Variants in PTPRD observed in about 807,000 individuals in gnomAD.
PTPRD encodes the protein protein tyrosine phosphatase receptor type D.
A neutral mutation model predicts 214.5 loss-of-function variants in PTPRD; 34 were observed. The observed-to-expected ratio is 0.16, with a 90% CI of 0.12 to 0.21. The LOEUF (loss-of-function observed/expected upper bound fraction) is 0.21, where lower values mean the gene tolerates loss of function less well. PTPRD is among the 10% of genes least tolerant of loss of function. PTPRD has a pLI of 1.00. For missense variants in PTPRD, 2,545 were observed against 2,398.7 expected, an observed-to-expected ratio of 1.06 and a Z score of -1.27; for synonymous variants, 1,128 against 845.7, an observed-to-expected ratio of 1.33 and a Z score of -5.79.
At chr9:10,412,489 T>C (rs1249781003) in intron 2 of PTPRD, among the ~76,000 whole-genome samples, 3 of 151,714 alleles carry the variant, frequency 2.0e-5, no homozygotes, top group African/African-American at 7.3e-5. Flanking sequence ...CTACCAGACC[T>C]ATGTAAAGAG....
At chr9:10,202,698 A>ATATATG (rs1339028268) in intron 3 of PTPRD, among the ~76,000 whole-genome samples, 1 of 145,442 alleles carries the variant, frequency 6.9e-6, no homozygotes, top group African/African-American at 2.5e-5. Context: ...ATATATATAT[A>ATATATG]TGCACCAGTG....
At chr9:9,780,704 A>T (rs2098836437) in intron 5 of PTPRD, among the ~76,000 whole-genome samples, 1 of 152,236 alleles carries the variant, frequency 6.6e-6, no homozygotes. Flanking sequence ...TGATTAGAAA[A>T]TTTAAGTCCT....
intron 3 of PTPRD, among the ~76,000 whole-genome samples, chr9:10,322,658 A>T (rs1225761996): frequency 6.6e-6 from 1 of 152,102 alleles, no homozygotes; most frequent in East Asian, 1.9e-4. Context: ...AAAAAGCAAA[A>T]ATATATTCAA....
At chr9:8,654,400 G>A (rs899336641) in intron 12 of PTPRD, among the ~76,000 whole-genome samples, 8 of 152,056 alleles carry the variant, frequency 5.3e-5, no homozygotes, top group African/African-American at 1.9e-4. Flanking sequence ...ATATTACAAC[G>A]CTCACCAAGG....
chr9:9,773,105 T>G (rs1408483709), intron 5 of PTPRD, among the ~76,000 whole-genome samples: 1 of 152,194 alleles, frequency 6.6e-6, no homozygotes, highest in Non-Finnish European at 1.5e-5. Context: ...AAGTGAATTT[T>G]ATGGTTTTAG....
At chr9:9,769,455 A>C (rs2098734315) in intron 5 of PTPRD, among the ~76,000 whole-genome samples, 1 of 150,378 alleles carries the variant, frequency 6.6e-6, no homozygotes, top group Admixed American at 6.7e-5. Flanking sequence ...CCTCCCGAGC[A>C]GCTGGGACTA....
intron 14 of PTPRD, among the ~76,000 whole-genome samples, chr9:8,530,576 G>A (rs1394943078): frequency 6.6e-6 from 1 of 152,004 alleles, no homozygotes; most frequent in Non-Finnish European, 1.5e-5. Flanking sequence ...TGTTTTATCT[G>A]TATTCTGCTC....
At chr9:10,608,753 T>C (rs530993917) in intron 2 of PTPRD, among the ~76,000 whole-genome samples, 2 of 152,150 alleles carry the variant, frequency 1.3e-5, no homozygotes, top group South Asian at 4.1e-4. Flanking sequence ...AGTGTTCTCC[T>C]AACGGGTAAT....
intron 36 of PTPRD, among the ~76,000 whole-genome samples, chr9:8,403,353 C>T (rs1228795149): frequency 1.3e-5 from 2 of 152,190 alleles, no homozygotes; most frequent in African/African-American, 4.8e-5. Context: ...AGAATGTAAA[C>T]AGTGAACCTT....
intron 8 of PTPRD, among the ~76,000 whole-genome samples, chr9:9,406,494 C>G (rs80017804): frequency 6.6e-6 from 1 of 151,918 alleles, no homozygotes; most frequent in African/African-American, 2.4e-5. Flanking sequence ...TACCTTTTCA[C>G]TGAAATCAAG....
At chr9:10,072,307 A>G (rs2098037095) in intron 3 of PTPRD, among the ~76,000 whole-genome samples, 1 of 152,046 alleles carries the variant, frequency 6.6e-6, no homozygotes, top group Non-Finnish European at 1.5e-5. Flanking sequence ...AAAATAAAAT[A>G]AAATAAAAAA....
At chr9:8,570,548 T>G (rs572751183) in intron 14 of PTPRD, among the ~76,000 whole-genome samples, 16 of 152,126 alleles carry the variant, frequency 1.1e-4, no homozygotes, top group Non-Finnish European at 2.1e-4. Context: ...GAGGTAGGTT[T>G]TAATAATAAC....
Position 9,930,341 on chromosome 9 carries a change from A to C in PTPRD, c.-368+8166T>G, listed in dbSNP as rs374939325. ...ACACACAGAGAATAAAAAGGGCAAG[A>C]ATGGACCTGGAAACCACAGTCTATG... On this transcript the variant is annotated intron_variant, in intron 5 of 45. Transcript: ENST00000381196. Among the ~76,000 whole-genome samples, 53 of 152,340 alleles carry C rather than the reference A, an allele frequency of 3.5e-4. 1 individual carries two copies. The South Asian group carries it at 0.011, about 31-fold the overall frequency.
chr9:10,488,556 C>T (rs563779991), intron 2 of PTPRD, among the ~76,000 whole-genome samples: 1 of 152,168 alleles, frequency 6.6e-6, no homozygotes, highest in East Asian at 1.9e-4. Context: ...GCAAGTTCCC[C>T]TAGGCCTCAA....
chr9:9,215,005 A>G (rs2099951226), intron 9 of PTPRD, among the ~76,000 whole-genome samples: 3 of 152,300 alleles, frequency 2.0e-5, no homozygotes, highest in Non-Finnish European at 4.4e-5. Flanking sequence ...TGCCTCTTGA[A>G]CACACACTAC....
At chr9:8,717,625 C>T (rs2098451050) in intron 12 of PTPRD, among the ~76,000 whole-genome samples, 1 of 152,208 alleles carries the variant, frequency 6.6e-6, no homozygotes, top group South Asian at 2.1e-4. Context: ...TACTCAGCCT[C>T]ACTTGAGAAT....
chr9:9,511,674 T>C (rs1451348427), intron 8 of PTPRD, among the ~76,000 whole-genome samples: 1 of 151,808 alleles, frequency 6.6e-6, no homozygotes, highest in Non-Finnish European at 1.5e-5. Flanking sequence ...TGGAATTATA[T>C]TTTTATTCTT....
chr9:9,501,921 G>A (rs1206097643), intron 8 of PTPRD, among the ~76,000 whole-genome samples: 1 of 151,822 alleles, frequency 6.6e-6, no homozygotes, highest in Admixed American at 6.6e-5. Flanking sequence ...TGCCTCTGAA[G>A]CAATACTTTG....
chr9:10,476,301 T>G (rs970236094), intron 2 of PTPRD, among the ~76,000 whole-genome samples: 1 of 152,078 alleles, frequency 6.6e-6, no homozygotes, highest in Admixed American at 6.6e-5. Flanking sequence ...GGACACAAAA[T>G]CAATTTGCAA....
Sources: allele counts gnomAD v4.1 joint callset (sites outside exome capture counted in the v4.1 genomes callset), GRCh38; gene constraint gnomAD v4.1.1; transcripts MANE v1.5; gene names NCBI Gene and HGNC (gene_info 2026-07-23, HGNC 2026-07-21).